Variants in NCOA2 observed in about 807,000 individuals in gnomAD.
NCOA2 encodes class E basic helix-loop-helix protein 75.
A neutral mutation model predicts 145.1 loss-of-function variants in NCOA2; 21 were observed. The observed-to-expected ratio is 0.14, with a 90% confidence interval of 0.10 to 0.21. The LOEUF (loss-of-function observed/expected upper bound fraction) is 0.21, where lower values mean the gene tolerates loss of function less well. Ranked by LOEUF, NCOA2 falls within the 10% of genes least tolerant of loss-of-function variation. The pLI, the probability that NCOA2 is intolerant of heterozygous loss-of-function variation, is 1.00. For synonymous variants in NCOA2, 619 were observed against 637.5 expected, an observed-to-expected ratio of 0.97 and a Z score of 0.44; for missense variants, 1,472 against 1,837.6, an observed-to-expected ratio of 0.80 and a Z score of 3.64.
intron 1 of NCOA2, among the ~76,000 whole-genome samples, chr8:70,322,769 T>C (rs1036474280): frequency 1.3e-5 from 2 of 152,212 alleles, no homozygotes; most frequent in Admixed American, 1.3e-4. Flanking sequence ...GTCTGGCCCA[T>C]AGTAAATGCT....
At position 70,111,474 on chromosome 8, in the gene NCOA2, G is replaced by GT. The variant is rs1585678526; in HGVS notation, c.*2157dup. On this transcript the variant is annotated 3_prime_UTR_variant, in exon 23 of 23. Coordinates refer to ENST00000452400, the MANE Select transcript of NCOA2 (RefSeq NM_006540.4). ...TGGAGTTCTGGGCCAACATCTGCTT[G>GT]TTTTTTCCATCACAGTTGGGCAACC... 1 of 219,076 alleles carries GT rather than the reference G, an allele frequency of 4.6e-6. No individual in the cohort carries two copies. Among genetic ancestry groups the GT allele is most frequent in the Non-Finnish European group, 9.2e-6 (1 of 109,106 alleles). 13.6% of individuals were successfully genotyped at this position (219,076 alleles called of 1,614,324 possible).
chr8:70,138,306 C>G lies in NCOA2; in HGVS notation c.3055G>C (p.Gly1019Arg). The G allele has an allele frequency of 1.9e-6, 3 of 1,612,240 alleles. No individual in the cohort carries two copies. The highest frequency in any genetic ancestry group is 2.5e-6 in the Non-Finnish European group (3 of 1,179,084). Residue 1019 changes from glycine to arginine, a missense_variant, in exon 15 of 23, where the codon GGG becomes CGG. Coordinates refer to ENST00000452400, the MANE Select transcript of NCOA2 (RefSeq NM_006540.4). ...TGTTGTTGGCTATACTGAGGTCCCCCCATGTTCATCTCTAATTCAGATGGC... is the reference window on the plus strand; with the variant it reads ...TGTTGTTGGCTATACTGAGGTCCCCGCATGTTCATCTCTAATTCAGATGGC... ...IGPSELEMNM[G>R]GPQYSQQQAP... is the part of the protein sequence containing the mutation.
chr8:70,130,123 C>G (rs962049048), intron 16 of NCOA2, among the ~76,000 whole-genome samples: 13 of 152,204 alleles, frequency 8.5e-5, no homozygotes, highest in Non-Finnish European at 1.8e-4. Flanking sequence ...TATGGTAATT[C>G]TAAACACAGG....
intron 1 of NCOA2, among the ~76,000 whole-genome samples, chr8:70,373,438 A>G (rs1811393674): frequency 6.6e-6 from 1 of 152,232 alleles, no homozygotes; most frequent in South Asian, 2.1e-4. Flanking sequence ...AGAGTTCTTT[A>G]CATATTCTAG....
intron 9 of NCOA2, among the ~76,000 whole-genome samples, chr8:70,162,396 A>T (rs1813128440): frequency 6.6e-6 from 1 of 152,198 alleles, no homozygotes; most frequent in South Asian, 2.1e-4. Context: ...ATTCTAACTG[A>T]ATCGTTAATA....
At chr8:70,264,983 C>T (rs1047547906) in intron 2 of NCOA2, among the ~76,000 whole-genome samples, 2 of 151,924 alleles carry the variant, frequency 1.3e-5, no homozygotes, top group Non-Finnish European at 2.9e-5. Context: ...GGGTATAATA[C>T]ACAATAAATT....
chr8:70,228,744 A>G (rs1460982645), intron 2 of NCOA2, among the ~76,000 whole-genome samples: 2 of 152,268 alleles, frequency 1.3e-5, no homozygotes, highest in Non-Finnish European at 2.9e-5. Flanking sequence ...CTAGCAAGTA[A>G]TAAGCATGGA....
At chr8:70,278,541 T>C (rs1054048149) in intron 2 of NCOA2, among the ~76,000 whole-genome samples, 11 of 152,108 alleles carry the variant, frequency 7.2e-5, no homozygotes, top group African/African-American at 2.2e-4. Flanking sequence ...AGAATCCGCT[T>C]ATCTTCATCC....
chr8:70,281,591 A>AC (rs1424818230), intron 2 of NCOA2, among the ~76,000 whole-genome samples: 4 of 151,910 alleles, frequency 2.6e-5, no homozygotes, highest in African/African-American at 9.7e-5. Context: ...ATCACCCCCC[A>AC]CCTCTTTGTT....
intron 2 of NCOA2, among the ~76,000 whole-genome samples, chr8:70,232,961 T>TCATGCCTGTAATC (rs1821270192): frequency 6.6e-6 from 1 of 151,948 alleles, no homozygotes; most frequent in South Asian, 2.1e-4. Context: ...GCGCGGTAGC[T>TCATGCCTGTAATC]CATGCCTGTA....
chr8:70,435,491 G>GT, the NCOA2 span, among the ~76,000 whole-genome samples: 1 of 145,096 alleles, frequency 6.9e-6, no homozygotes, highest in Non-Finnish European at 1.5e-5. Flanking sequence ...CCCCAACTGA[G>GT]GTCCTAGCTC....
chr8:70,268,079 GC>G (rs1380764295), intron 2 of NCOA2, among the ~76,000 whole-genome samples: 1 of 152,150 alleles, frequency 6.6e-6, no homozygotes, highest in Non-Finnish European at 1.5e-5. Context: ...GGATGCAGTT[GC>G]CCACAAGAGA....
At chr8:70,259,532 T>C (rs1009955917) in intron 2 of NCOA2, among the ~76,000 whole-genome samples, 4 of 152,148 alleles carry the variant, frequency 2.6e-5, no homozygotes, top group Admixed American at 2.0e-4. Context: ...CAGAGAATCA[T>C]AAAGGGTTTC....
chr8:70,395,412 C>T (rs1813563203), intron 1 of NCOA2, among the ~76,000 whole-genome samples: 2 of 152,188 alleles, frequency 1.3e-5, no homozygotes, highest in South Asian at 4.1e-4. Flanking sequence ...GCCCCCAATG[C>T]CTGTCTCCAT....
intron 2 of NCOA2, among the ~76,000 whole-genome samples, chr8:70,258,426 A>G (rs919954762): frequency 6.6e-6 from 1 of 151,870 alleles, no homozygotes; most frequent in African/African-American, 2.4e-5. Context: ...CCAAAATTGA[A>G]CTCCTCACCT....
chr8:70,381,179 C>A (rs1457463828), intron 1 of NCOA2, among the ~76,000 whole-genome samples: 2 of 151,788 alleles, frequency 1.3e-5, no homozygotes, highest in Non-Finnish European at 2.9e-5. Flanking sequence ...CATGGGCGTT[C>A]ATTACATTAT....
At chr8:70,309,342 G>A (rs536683486) in intron 1 of NCOA2, among the ~76,000 whole-genome samples, 196 of 148,666 alleles carry the variant, frequency 1.3e-3, no homozygotes, top group African/African-American at 4.3e-3. Context: ...AAAATGAATC[G>A]CCTTTCATAA....
At chr8:70,326,492 T>C (rs1311020301) in intron 1 of NCOA2, among the ~76,000 whole-genome samples, 1 of 150,532 alleles carries the variant, frequency 6.6e-6, no homozygotes, top group Non-Finnish European at 1.5e-5. Context: ...CACACACAGC[T>C]GTGATTCCTA....
At chr8:70,375,271 T>C (rs1173758663) in intron 1 of NCOA2, among the ~76,000 whole-genome samples, 3 of 152,212 alleles carry the variant, frequency 2.0e-5, no homozygotes, top group African/African-American at 7.2e-5. Flanking sequence ...GTTAAACTGA[T>C]GCAATAATGA....
Sources: allele counts gnomAD v4.1 joint callset (sites outside exome capture counted in the v4.1 genomes callset), GRCh38; gene constraint gnomAD v4.1.1; transcripts MANE v1.5; gene names NCBI Gene and HGNC (gene_info 2026-07-23, HGNC 2026-07-21).